Variants in NFU1 observed in about 807,000 individuals in gnomAD.
The protein encoded by NFU1 is NFU1 iron-sulfur cluster scaffold homolog, mitochondrial.
A neutral mutation model predicts 32.2 loss-of-function variants in NFU1; 30 were observed. The ratio of observed to expected loss-of-function variants is 0.93; its 90% CI spans 0.70 to 1.26. The LOEUF (loss-of-function observed/expected upper bound fraction) is 1.26. NFU1 is among the 50% of genes most tolerant of loss of function. The pLI is 0.00. For synonymous variants in NFU1, 112 were observed against 104.6 expected (o/e 1.07, Z -0.43); for missense variants, 306 against 306.6 (o/e 1.00, Z 0.02).
chr2:69,437,124 T>C, intron 1 of NFU1: 1 of 813,186 alleles, frequency 1.2e-6, no homozygotes, highest in Non-Finnish European at 1.9e-6. Flanking sequence ...ACTCAAGAAC[T>C]GGGTCTCTGA....
At chr2:69,426,926 A>T (rs989311253) in intron 2 of NFU1, among the ~76,000 whole-genome samples, 1 of 149,268 alleles carries the variant, frequency 6.7e-6, no homozygotes, top group Non-Finnish European at 1.5e-5. Context: ...AAAATTAGCC[A>T]GACGTGGTGG....
At chr2:69,413,813 C>A (rs1309145030) in intron 5 of NFU1, among the ~76,000 whole-genome samples, 2 of 150,460 alleles carry the variant, frequency 1.3e-5, no homozygotes, top group African/African-American at 4.9e-5. Flanking sequence ...CTTTGGGAGG[C>A]CGAGGCAGGC....
At chr2:69,430,038 CAA>C (rs768175415) in intron 2 of NFU1, 2 of 307,516 alleles carry the variant, frequency 6.5e-6, no homozygotes. Flanking sequence ...CAAAAACAAA[CAA>C]AAAAAAACAC....
chr2:69,421,051 G>T (rs540633658), intron 3 of NFU1, among the ~76,000 whole-genome samples: 1 of 151,858 alleles, frequency 6.6e-6, no homozygotes, highest in East Asian at 1.9e-4. Context: ...AAAAAATACC[G>T]AATTTAGCCA....
At chr2:69,419,215 G>T (rs765480985) in intron 4 of NFU1, among the ~76,000 whole-genome samples, 1 of 14,210 alleles carries the variant, frequency 7.0e-5, no homozygotes, top group Non-Finnish European at 1.3e-4. Flanking sequence ...TCAGGGTGGC[G>T]GGGGGGGGCG....
chr2:69,412,333 G>C (rs1183968539), intron 5 of NFU1, among the ~76,000 whole-genome samples: 3 of 151,994 alleles, frequency 2.0e-5, no homozygotes, highest in African/African-American at 7.2e-5. Flanking sequence ...ACAGGTGTGA[G>C]CCACTGTGCC....
rs7605572 is a variant in NFU1, at chr2:69,419,372, G to A, written c.369+166C>T. Among the ~76,000 whole-genome samples the A allele has an allele frequency of 0.21, 32,348 of 151,918 alleles. 4,045 individuals carry two copies. Among genetic ancestry groups the A allele is most frequent in the African/African-American group, 0.34 (14,040 of 41,432 alleles). ...GAAAAAGAAAAACATAGCATATTTC[G>A]CTTGATTCTTGTGACATTTAGAGGA... On this transcript the variant is annotated intron_variant, in intron 4 of 7. Transcript: ENST00000410022.
At chr2:69,416,873 G>T (rs1013020626) in intron 4 of NFU1, among the ~76,000 whole-genome samples, 1 of 152,150 alleles carries the variant, frequency 6.6e-6, no homozygotes, top group African/African-American at 2.4e-5. Flanking sequence ...CCTCCAGCCT[G>T]GGCGACGGAG....
At chr2:69,414,649 T>C (rs1574128703) in intron 5 of NFU1, among the ~76,000 whole-genome samples, 1 of 147,582 alleles carries the variant, frequency 6.8e-6, no homozygotes, top group Non-Finnish European at 1.5e-5. Flanking sequence ...AAAACAGAGA[T>C]TTAAAACTTA....
At chr2:69,432,109 T>C in intron 1 of NFU1, 104 bp from the exon 2 acceptor site, 2 of 723,416 alleles carry the variant, frequency 2.8e-6, no homozygotes, top group Admixed American at 4.6e-5. Context: ...AATTTAAACA[T>C]AACCCGCAAT....
At chr2:69,423,228 T>G (rs2104791297) in intron 3 of NFU1, among the ~76,000 whole-genome samples, 17 of 75,416 alleles carry the variant, frequency 2.3e-4, no homozygotes, top group South Asian at 5.1e-4. Flanking sequence ...CGGGTAGAGA[T>G]GGGCTCTCTG....
At chr2:69,434,465 G>C (rs567840596) in intron 1 of NFU1, among the ~76,000 whole-genome samples, 2 of 152,218 alleles carry the variant, frequency 1.3e-5, no homozygotes, top group African/African-American at 4.8e-5. Flanking sequence ...CACTCTTACA[G>C]AGAAAACTTA....
At chr2:69,438,095 G>A (rs1346230827), upstream of NFU1, among the ~76,000 whole-genome samples, 2 of 152,056 alleles carry the variant, frequency 1.3e-5, no homozygotes, top group Non-Finnish European at 2.9e-5. Context: ...TTTTCTCTAG[G>A]ACAACGGTTC....
upstream of NFU1, among the ~76,000 whole-genome samples, chr2:69,438,094 G>A (rs368400848): frequency 1.4e-4 from 22 of 152,246 alleles, no homozygotes; most frequent in East Asian, 2.1e-3. Context: ...GTTTTCTCTA[G>A]GACAACGGTT....
chr2:69,430,134 G>C (rs1673591765), intron 2 of NFU1: 1 of 183,664 alleles, frequency 5.4e-6, no homozygotes, highest in Non-Finnish European at 1.2e-5. Flanking sequence ...TGACTCCCAG[G>C]TCCATCATCC....
chr2:69,437,337 C>T (rs1387711913), intron 1 of NFU1, 24 bp downstream of exon 1: 1 of 1,600,718 alleles, frequency 6.2e-7, no homozygotes, highest in Non-Finnish European at 8.5e-7. Flanking sequence ...CACACCTATT[C>T]GGAGCTCCAG....
At position 69,400,378 on chromosome 2, in the gene NFU1, C is replaced by A; in HGVS notation, c.706G>T (p.Glu236Ter). 1.2e-6 allele frequency: 2 copies of A among 1,614,036 alleles called. No individual in the cohort carries two copies. Among genetic ancestry groups the A allele is most frequent in the Non-Finnish European group, 1.7e-6 (2 of 1,179,928 alleles). Residue 236 changes from glutamate (E) to a stop codon, truncating the protein, a stop_gained, in exon 7 of 8, where the codon GAA (glutamate) becomes TAA (stop). Transcript: ENST00000410022. LOFTEE classifies it high-confidence loss of function. ...NMLQFYIPEV[E>*]GVEQVMDDES... is the part of the protein sequence containing the mutation. Reference sequence around the variant, plus strand: ...TATTGGCATACCTGTTCTACGCCTTCTACCTCCGGAATATAAAACTGCAGC... The same window carrying A: ...TATTGGCATACCTGTTCTACGCCTTATACCTCCGGAATATAAAACTGCAGC...
chr2:69,421,535 T>C lies in NFU1; in HGVS notation c.303-1931A>G, dbSNP rs144987599. ...AACTTCTCTATCAGTTAAAAAGAGG[T>C]TCATCCCAACAATTTTATCATTTGT... On this transcript the variant is annotated intron_variant, in intron 3 of 7. Coordinates refer to ENST00000410022, the MANE Select transcript of NFU1 (RefSeq NM_001002755.4). Among the ~76,000 whole-genome samples the C allele has an allele frequency of 6.2e-3, 940 of 150,816 alleles. 10 individuals are homozygous for C. Among genetic ancestry groups the C allele is most frequent in the African/African-American group, 0.022 (903 of 41,132 alleles).
chr2:69,396,078 A>G (rs772042993), downstream of NFU1: 7 of 581,862 alleles, frequency 1.2e-5, no homozygotes, highest in African/African-American at 1.9e-5. Flanking sequence ...ATGATTCAAG[A>G]GGTTATAAAT....
Sources: allele counts gnomAD v4.1 joint callset (sites outside exome capture counted in the v4.1 genomes callset), GRCh38; gene constraint gnomAD v4.1.1; transcripts MANE v1.5; gene names NCBI Gene and HGNC (gene_info 2026-07-23, HGNC 2026-07-21).